Variants in KCNH7 observed in about 807,000 individuals in gnomAD.
KCNH7 encodes the protein voltage-gated inwardly rectifying potassium channel KCNH7.
In KCNH7, 49 loss-of-function variants were observed where a neutral mutation model predicts 120.8. The observed-to-expected ratio is 0.41, with a 90% confidence interval of 0.32 to 0.51. The LOEUF (loss-of-function observed/expected upper bound fraction) is 0.51, where lower values mean the gene tolerates loss of function less well. Ranked by LOEUF, KCNH7 falls within the 20% of genes least tolerant of loss-of-function variation. The pLI, the probability that KCNH7 is intolerant of heterozygous loss-of-function variation, is 0.38. For missense variants in KCNH7, 1,097 were observed against 1,446.6 expected (o/e 0.76, Z 3.92); for synonymous variants, 547 against 516.1 (o/e 1.06, Z -0.81).
chr2:162,755,225 T>C (rs978864960), intron 2 of KCNH7, among the ~76,000 whole-genome samples: 2 of 152,102 alleles, frequency 1.3e-5, no homozygotes, highest in African/African-American at 4.8e-5. Flanking sequence ...CCTAGCACTT[T>C]GGGAGGCCAA....
rs114622113 is a variant in KCNH7, at chr2:162,811,947, G to A, written c.307+24590C>T. On this transcript the variant is annotated intron_variant, in intron 2 of 15. Transcript: ENST00000332142. Reference sequence around the variant, plus strand: ...CTCTTCAAACCATAGGGTCATGACAGGAATTCAATATGGGGGCTCATGTAC... The same window carrying A: ...CTCTTCAAACCATAGGGTCATGACAAGAATTCAATATGGGGGCTCATGTAC... Among the ~76,000 whole-genome samples, 247 of 152,248 alleles carry A rather than the reference G, an allele frequency of 1.6e-3. 1 individual carries two copies. The highest frequency in any genetic ancestry group is 5.7e-3 in the African/African-American group (237 of 41,558).
chr2:162,425,073 G>C (rs762951580), intron 8 of KCNH7, among the ~76,000 whole-genome samples: 1 of 152,064 alleles, frequency 6.6e-6, no homozygotes, highest in Non-Finnish European at 1.5e-5. Context: ...GGAAGTAAAG[G>C]AGAATGAACT....
chr2:162,696,648 T>TAA (rs34435536), intron 2 of KCNH7, among the ~76,000 whole-genome samples: 2,183 of 147,394 alleles, frequency 0.015, 40 homozygotes, highest in East Asian at 0.11. Context: ...TAGGTCTTCT[T>TAA]AAAAAAAAAA....
intron 2 of KCNH7, among the ~76,000 whole-genome samples, chr2:162,670,334 T>C (rs1574245936): frequency 6.7e-6 from 1 of 150,242 alleles, no homozygotes; most frequent in Non-Finnish European, 1.5e-5. Context: ...ATTAACTGGG[T>C]GTGGTGGCGC....
intron 8 of KCNH7, among the ~76,000 whole-genome samples, chr2:162,433,466 A>C (rs780377072): frequency 6.6e-6 from 1 of 152,118 alleles, no homozygotes; most frequent in Non-Finnish European, 1.5e-5. Context: ...AAACCCAGAA[A>C]TAAAGCTGCA....
At position 162,693,392 on chromosome 2, in the gene KCNH7, T is replaced by G. The variant is rs1006085735; in HGVS notation, c.307+143145A>C. Among the ~76,000 whole-genome samples the G allele has an allele frequency of 4.6e-5, 7 of 152,312 alleles. No homozygotes were observed. The South Asian group carries it at 1.0e-3, about 23-fold the overall frequency. On this transcript the variant is annotated intron_variant, in intron 2 of 15. Transcript: ENST00000332142. ...GATGGGTGTGGTGAATAAGTTTAAT[T>G]TAGTAGTTTTTCAACTACAGCATGA...
rs577705420 is a variant in KCNH7, at chr2:162,640,083, T to C, written c.308-103003A>G. Among the ~76,000 whole-genome samples, 10 of 152,286 alleles carry C rather than the reference T, an allele frequency of 6.6e-5. No homozygotes were observed. The East Asian group carries it at 1.2e-3, about 18-fold the overall frequency. On this transcript the variant is annotated intron_variant, in intron 2 of 15. Transcript: ENST00000332142. ...TAAATGTAGTGACAAAGTGTGTTCA[T>C]GGATTGGAAGACTCAATAGTAACTA...
chr2:162,770,040 A>C (rs1158441365), intron 2 of KCNH7, among the ~76,000 whole-genome samples: 2 of 152,066 alleles, frequency 1.3e-5, no homozygotes, highest in Non-Finnish European at 2.9e-5. Flanking sequence ...TTAAACTTTA[A>C]ATTTTTAGTA....
intron 10 of KCNH7, among the ~76,000 whole-genome samples, chr2:162,399,218 G>A (rs926072071): frequency 6.6e-6 from 1 of 151,746 alleles, no homozygotes; most frequent in African/African-American, 2.4e-5. Context: ...TAAACCTACC[G>A]GCTATGTGGT....
chr2:162,450,301 C>G (rs538004136), intron 6 of KCNH7, among the ~76,000 whole-genome samples: 1 of 151,872 alleles, frequency 6.6e-6, no homozygotes, highest in African/African-American at 2.4e-5. Flanking sequence ...TCCAATACGC[C>G]CATTGACACA....
intron 2 of KCNH7, among the ~76,000 whole-genome samples, chr2:162,719,694 A>G (rs1687256394): frequency 6.6e-6 from 1 of 152,054 alleles, no homozygotes; most frequent in African/African-American, 2.4e-5. Flanking sequence ...TACTAAATAC[A>G]AAAACATGAC....
At chr2:162,775,666 T>C (rs1683208674) in intron 2 of KCNH7, among the ~76,000 whole-genome samples, 1 of 152,228 alleles carries the variant, frequency 6.6e-6, no homozygotes, top group Non-Finnish European at 1.5e-5. Context: ...TTCATTTGCA[T>C]TGTGTACCAG....
At chr2:162,448,690 G>A (rs569146638) in intron 6 of KCNH7, among the ~76,000 whole-genome samples, 12 of 152,182 alleles carry the variant, frequency 7.9e-5, no homozygotes, top group African/African-American at 2.9e-4. Flanking sequence ...AATGCAAACA[G>A]CAATCTTGGA....
chr2:162,558,476 G>C (rs1327131971), intron 2 of KCNH7, among the ~76,000 whole-genome samples: 1 of 143,884 alleles, frequency 7.0e-6, no homozygotes, highest in African/African-American at 2.8e-5. Context: ...GCCCGGCCAG[G>C]CTCTTTCTTT....
At chr2:162,564,017 T>G (rs1843554) in intron 2 of KCNH7, among the ~76,000 whole-genome samples, 84,870 of 151,564 alleles carry the variant, frequency 0.56, 24,256 homozygotes, top group Admixed American at 0.67. Flanking sequence ...AGCAATAAAC[T>G]GGTACAACTC....
At chr2:162,532,352 G>A in intron 3 of KCNH7, among the ~76,000 whole-genome samples, 1 of 151,886 alleles carries the variant, frequency 6.6e-6, no homozygotes, top group Admixed American at 6.6e-5. Context: ...TCAAGAGCAG[G>A]TCTGTAACAT....
intron 2 of KCNH7, among the ~76,000 whole-genome samples, chr2:162,728,172 T>G (rs114864602): frequency 7.1e-6 from 1 of 141,336 alleles, no homozygotes; most frequent in Non-Finnish European, 1.5e-5. Context: ...TTAATCAGCT[T>G]TTTTTTTTTT....
At chr2:162,401,282 T>C (rs1331377886) in intron 9 of KCNH7, among the ~76,000 whole-genome samples, 1 of 151,962 alleles carries the variant, frequency 6.6e-6, no homozygotes, top group African/African-American at 2.4e-5. Flanking sequence ...TCAAAGGCAT[T>C]CAACTCTTGC....
chr2:162,694,468 G>C (rs541952062), intron 2 of KCNH7, among the ~76,000 whole-genome samples: 1 of 144,932 alleles, frequency 6.9e-6, no homozygotes, highest in South Asian at 2.1e-4. Flanking sequence ...GTGTGGGTAT[G>C]TGTGAAAGAG....
Sources: gnomAD v4.1 joint callset for allele counts (sites outside exome capture counted in the v4.1 genomes callset) on GRCh38, gnomAD v4.1.1 for gene constraint, MANE v1.5 for transcripts, NCBI Gene and HGNC (gene_info 2026-07-23, HGNC 2026-07-21) for gene names.